PCSK4: variants seen among roughly 807,000 people sequenced by gnomAD.
The protein encoded by PCSK4 is testicular tissue protein Li 135.
Under a neutral mutation model 80.3 loss-of-function variants are expected in PCSK4, and 64 were observed. The ratio of observed to expected loss-of-function variants is 0.80; its 90% CI spans 0.65 to 0.98. The LOEUF (loss-of-function observed/expected upper bound fraction) is 0.98, where lower values mean the gene tolerates loss of function less well. PCSK4 is among the 50% of genes least tolerant of loss of function. PCSK4 has a pLI of 0.00. For missense variants in PCSK4, 1,213 were observed against 1,093.6 expected (o/e 1.11, Z -1.54); for synonymous variants, 561 against 487.6 (o/e 1.15, Z -1.98).
exon 4 of PCSK4, chr19:1,488,081 G>T: frequency 6.2e-7 from 1 of 1,613,070 alleles, no homozygotes; most frequent in Non-Finnish European, 8.5e-7. Flanking sequence ...GGTCTGGTTG[G>T]GCCTCGCTGT....
chr19:1,483,192 G>T, intron 12 of PCSK4, 92 bp downstream of exon 12: 1 of 1,346,000 alleles, frequency 7.4e-7, no homozygotes, highest in Non-Finnish European at 9.9e-7. Context: ...ACTCCTATGG[G>T]CCTGGCCCCT....
chr19:1,487,080 G>A lies in PCSK4; in HGVS notation c.856-15C>T. The A allele has an allele frequency of 3.7e-6, 6 of 1,602,972 alleles. 1 individual carries two copies. The highest frequency in any genetic ancestry group is 5.1e-6 in the Non-Finnish European group (6 of 1,178,544). On this transcript the variant is annotated splice_polypyrimidine_tract_variant and intron_variant, in intron 7 of 14. Transcript: ENST00000300954. ...CCGCCGCGGCCCTGGGAAACCAGGA[G>A]GGGCGGGGAGGGGGCGTCGGCCTGG...
At chr19:1,483,406 G>A (rs1323710916) in exon 12 of PCSK4, 2 of 1,603,046 alleles carry the variant, frequency 1.2e-6, no homozygotes, top group African/African-American at 1.3e-5. Flanking sequence ...GGATGGAGTT[G>A]TGGAGGCCGG....
At chr19:1,487,500 G>C (rs1424146644) in intron 6 of PCSK4, 103 bp downstream of exon 6, 17 of 1,089,902 alleles carry the variant, frequency 1.6e-5, no homozygotes, top group Non-Finnish European at 2.3e-5. Flanking sequence ...GCACCACCCA[G>C]CAGTGAGAGG....
chr19:1,490,333 G>T (rs770806695), exon 1 of PCSK4: 2 of 1,326,036 alleles, frequency 1.5e-6, no homozygotes, highest in Non-Finnish European at 2.0e-6. Flanking sequence ...CAGCGCAATC[G>T]GGGCGGGCCG....
At chr19:1,482,156 G>T (rs867904640) in exon 15 of PCSK4, 2 of 1,559,784 alleles carry the variant, frequency 1.3e-6, no homozygotes, top group South Asian at 2.3e-5. Context: ...GAACCGCGGG[G>T]GGCAGTAGGC....
At position 1,489,915 on chromosome 19, in the gene PCSK4, C is replaced by A. The variant is rs775001286; in HGVS notation, c.190-18G>T. 54 of 1,589,460 alleles carry A rather than the reference C, an allele frequency of 3.4e-5. No homozygotes were observed. The highest frequency in any genetic ancestry group is 4.4e-5 in the Non-Finnish European group (51 of 1,169,106). On this transcript the variant is annotated intron_variant, in intron 1 of 14. Coordinates refer to ENST00000300954, the Ensembl canonical transcript of PCSK4. ...GGGAAGATCTGGGGATGTGGGGAAG[C>A]GGCCGCACCGATGGGACCCGGCTCC...
chr19:1,486,952 G>A, exon 8 of PCSK4: 2 of 1,607,848 alleles, frequency 1.2e-6, no homozygotes, highest in Non-Finnish European at 1.7e-6. Context: ...GGGTGGTGCT[G>A]CCCACGGAAA....
chr19:1,483,581 A>T (rs1190725355), intron 11 of PCSK4, 69 bp downstream of exon 11: 2 of 1,432,710 alleles, frequency 1.4e-6, no homozygotes, highest in African/African-American at 1.4e-5. Flanking sequence ...ACAGATGGGT[A>T]AACTGAGGCC....
chr19:1,483,816 C>G, intron 10 of PCSK4, 22 bp downstream of exon 10: 1 of 1,490,660 alleles, frequency 6.7e-7, no homozygotes, highest in East Asian at 2.6e-5. Context: ...CGGGTCCCCG[C>G]CCCCGCCCGG....
exon 6 of PCSK4, chr19:1,487,640 G>A: frequency 6.4e-7 from 1 of 1,554,636 alleles, no homozygotes; most frequent in Non-Finnish European, 8.7e-7. Context: ...CCACACCACA[G>A]AAGCCATTGT....
Position 1,483,270 on chromosome 19 carries a change from T to C in PCSK4, c.1571+14A>G. ...GGGCATGAGGCCGCCCCCTCTCCTC[T>C]GCGGGCCGCTCACCGTATGGCCACG... is the stretch of plus-strand genomic sequence containing the variant. On this transcript the variant is annotated intron_variant, in intron 12 of 14. Coordinates refer to ENST00000300954, the Ensembl canonical transcript of PCSK4. 1 of 1,559,584 alleles carries C rather than the reference T, an allele frequency of 6.4e-7. No individual in the cohort carries two copies. The highest frequency in any genetic ancestry group is 8.7e-7 in the Non-Finnish European group (1 of 1,151,874).
chr19:1,482,927 G>T (rs1357797908), exon 13 of PCSK4: 8 of 1,610,138 alleles, frequency 5.0e-6, no homozygotes, highest in Non-Finnish European at 6.8e-6. Context: ...TGTTCTCTAG[G>T]CCCAGGGTCC....
intron 2 of PCSK4, among the ~76,000 whole-genome samples, 199 bp from the exon 3 acceptor site, chr19:1,488,479 C>T (rs941320346): frequency 2.0e-5 from 3 of 152,060 alleles, no homozygotes; most frequent in Non-Finnish European, 2.9e-5. Context: ...CCCACAGACG[C>T]GTCGTTGCTG....
In PCSK4 at chr19:1,487,593, C is replaced by T. The variant is rs1270839071; in HGVS notation, c.682+10G>A. The T allele has an allele frequency of 1.3e-6, 2 of 1,547,760 alleles. No homozygotes were observed. The highest frequency in any genetic ancestry group is 8.7e-7 in the Non-Finnish European group (1 of 1,145,084). ...GTCCCGGAATGGTGCCGCTGGGGGA[C>T]CCCGGGTACCTCCGATTCGGGCGTT... On this transcript the variant is annotated intron_variant, in intron 6 of 14. Transcript: ENST00000300954.
intron 14 of PCSK4, 53 bp downstream of exon 14, chr19:1,482,300 C>A: frequency 6.5e-7 from 1 of 1,532,702 alleles, no homozygotes; most frequent in East Asian, 2.4e-5. Context: ...GCACGCTGCC[C>A]ACGGTGGCCG....
At position 1,483,928 on chromosome 19, in the gene PCSK4, A is replaced by C. The variant is rs1193128465; in HGVS notation, c.1183T>G (p.Trp395Gly). 25 of 1,398,278 alleles carry C rather than the reference A, an allele frequency of 1.8e-5. No homozygotes were observed. The highest frequency in any genetic ancestry group is 2.6e-5 in the Admixed American group (1 of 37,922). 86.6% of individuals were successfully genotyped at this position (1,398,278 alleles called of 1,614,324 possible). ...ACCACCAGGTGCTGCATGTCTCTCC[A>C]CGTCAGGAACGGGCTGCGGGGGGCG... The change falls in exon 10 of 15, where the codon TGG becomes GGG. Residue 395 changes from tryptophan to glycine, a missense_variant. Coordinates refer to ENST00000300954, the Ensembl canonical transcript of PCSK4.
intron 8 of PCSK4, among the ~76,000 whole-genome samples, chr19:1,485,819 T>A (rs979224992): frequency 4.6e-5 from 7 of 151,670 alleles, no homozygotes; most frequent in Non-Finnish European, 8.8e-5. Context: ...TGCAGTGAGC[T>A]GAGATCGCGC....
chr19:1,487,243 G>T, exon 7 of PCSK4: 1 of 1,605,898 alleles, frequency 6.2e-7, no homozygotes. Context: ...AAATGTGGAT[G>T]TGCTGCGGCT....
Sources: gnomAD v4.1 joint callset for allele counts (sites outside exome capture counted in the v4.1 genomes callset) on GRCh38, gnomAD v4.1.1 for gene constraint, MANE v1.5 for transcripts, NCBI Gene and HGNC (gene_info 2026-07-23, HGNC 2026-07-21) for gene names.